IL12RB2: variants seen among roughly 807,000 people sequenced by gnomAD.
The protein encoded by IL12RB2 is interleukin-12 receptor subunit beta-2.
Under a neutral mutation model 89.4 loss-of-function variants are expected in IL12RB2, and 82 were observed. The observed-to-expected ratio is 0.92, with a 90% CI of 0.77 to 1.10. IL12RB2 has a LOEUF of 1.10. IL12RB2 is among the 50% of genes least tolerant of loss of function. The pLI, the probability that IL12RB2 is intolerant of heterozygous loss-of-function variation, is 0.00. For missense variants in IL12RB2, 963 were observed against 1,031.9 expected, an observed-to-expected ratio of 0.93 and a Z score of 0.92; for synonymous variants, 368 against 370.1, an observed-to-expected ratio of 0.99 and a Z score of 0.07.
At chr1:67,320,705 T>C (rs1656374610) in intron 3 of IL12RB2, among the ~76,000 whole-genome samples, 1 of 152,230 alleles carries the variant, frequency 6.6e-6, no homozygotes, top group Non-Finnish European at 1.5e-5. Context: ...CACAAATACA[T>C]GTTTTACATT....
chr1:67,367,985 G>A lies in IL12RB2; in HGVS notation c.1419G>A (p.Trp473Ter), dbSNP rs771717615. The A allele has an allele frequency of 1.9e-6, 3 of 1,611,338 alleles. No individual in the cohort carries two copies. In the East Asian group the frequency reaches 6.7e-5, roughly 36 times the overall value. The change falls in exon 11 of 17, where the codon TGG becomes TGA. Residue 473 changes from tryptophan (W) to a stop codon, truncating the protein, a stop_gained. Transcript: ENST00000674203. LOFTEE classifies it high-confidence loss of function. ...GTGACACACAGGTCCCTCTAAACTG[G>A]CTACGGAGTCGACCCTACAATGTGT... ...PGGDTQVPLN[W>*]LRSRPYNVSA...
intron 9 of IL12RB2, among the ~76,000 whole-genome samples, chr1:67,348,757 T>C (rs3790566): frequency 0.62 from 93,950 of 152,062 alleles, 32,808 homozygotes; most frequent in South Asian, 0.78. Flanking sequence ...TATTAGCTCA[T>C]TGAAGTTTTT....
At chr1:67,339,127 G>C (rs1441910503) in intron 9 of IL12RB2, among the ~76,000 whole-genome samples, 1 of 151,920 alleles carries the variant, frequency 6.6e-6, no homozygotes. Context: ...TGTTTGTTAA[G>C]TCATTGAAGA....
chr1:67,330,661 T>G lies in IL12RB2; in HGVS notation c.809T>G (p.Val270Gly). 6.7e-7 allele frequency: 1 copy of G among 1,491,180 alleles called. No homozygotes were observed. Among genetic ancestry groups the G allele is most frequent in the East Asian group, 2.3e-5 (1 of 44,182 alleles). The allele number at this position is 1,491,180 out of a possible 1,614,324, so 92.4% of individuals were successfully genotyped here. A position where few individuals can be genotyped will look rare whatever the true frequency, so the allele number is the denominator to read the frequency against. The part of the protein sequence containing the change: ...RPSNSRLWNM[V>G]NVTKAKGRHD... ...CTTTAAAAAAATGTCTGTTTCAAGG[T>G]TAATGTTACAAAGGCCAAAGGAAGA... The change falls in exon 8 of 17, where the codon GTT becomes GGT. Residue 270 changes from valine (V) to glycine (G), a missense_variant and splice_region_variant. Physicochemically the swap from Val to Gly is moderately radical, Grantham distance 109 (BLOSUM62 -3). Transcript: ENST00000674203.
At chr1:67,307,870 G>A (rs535591873), upstream of IL12RB2, 7 of 152,188 alleles carry the variant, frequency 4.6e-5, no homozygotes, top group Admixed American at 4.6e-4. Flanking sequence ...CCCGAGCGCC[G>A]GCAGAGAGCG....
At chr1:67,325,262 G>T (rs911426278) in intron 4 of IL12RB2, among the ~76,000 whole-genome samples, 39 of 152,072 alleles carry the variant, frequency 2.6e-4, no homozygotes, top group African/African-American at 9.4e-4. Flanking sequence ...TGTTGTTGTT[G>T]TTTTTTTCTT....
At chr1:67,338,336 C>CAAAAAAAAAAACAAAAAAA (rs1659075800) in intron 8 of IL12RB2, among the ~76,000 whole-genome samples, 1 of 40,102 alleles carries the variant, frequency 2.5e-5, no homozygotes, top group Non-Finnish European at 5.6e-5. Context: ...GATCCTGTCT[C>CAAAAAAAAAAACAAAAAAA]AAAAAAAAAA....
chr1:67,390,554 G>A (rs904390740), intron 16 of IL12RB2, among the ~76,000 whole-genome samples: 1 of 146,196 alleles, frequency 6.8e-6, no homozygotes, highest in African/African-American at 2.5e-5. Flanking sequence ...TCCTGTCTAA[G>A]CATAGAAAAG....
At chr1:67,351,155 G>A in intron 10 of IL12RB2, 66 bp downstream of exon 10, 5 of 1,583,014 alleles carry the variant, frequency 3.2e-6, no homozygotes, top group Non-Finnish European at 4.3e-6. Flanking sequence ...CTTATCTCCT[G>A]CAGGCCCAAC....
At chr1:67,352,257 CA>C (rs1660933142) in intron 10 of IL12RB2, among the ~76,000 whole-genome samples, 1 of 152,188 alleles carries the variant, frequency 6.6e-6, no homozygotes, top group East Asian at 1.9e-4. Context: ...TTGTTCTTAC[CA>C]AAAGCCTGAC....
intron 10 of IL12RB2, among the ~76,000 whole-genome samples, chr1:67,351,659 C>T (rs1660861627): frequency 6.6e-6 from 1 of 152,076 alleles, no homozygotes; most frequent in South Asian, 2.1e-4. Context: ...ATAAATACAA[C>T]CAATAATATT....
At chr1:67,324,675 A>C (rs889757991) in intron 4 of IL12RB2, among the ~76,000 whole-genome samples, 4 of 152,176 alleles carry the variant, frequency 2.6e-5, no homozygotes, top group Non-Finnish European at 5.9e-5. Flanking sequence ...TTAAGTATGA[A>C]CTTGTAAGTT....
rs776698952 is a variant in IL12RB2 at position 67,328,244 on chromosome 1, A to G, written c.524A>G (p.Asp175Gly). Residue 175 changes from aspartate to glycine, a missense_variant, in exon 6 of 17, where the codon GAC (aspartate) becomes GGC (glycine). Transcript: ENST00000674203. ...TTAACCTGGCAGAAGCAATGTAAAGACATTTATTGTGACTATTTGGACTTT... is the reference window on the plus strand; with the variant it reads ...TTAACCTGGCAGAAGCAATGTAAAGGCATTTATTGTGACTATTTGGACTTT... ...KNLTWQKQCK[D>G]IYCDYLDFGI... 6.2e-7 allele frequency: 1 copy of G among 1,614,170 alleles called. No individual in the cohort carries two copies. Among genetic ancestry groups the G allele is most frequent in the Non-Finnish European group, 8.5e-7 (1 of 1,180,004 alleles).
At chr1:67,308,913 G>A (rs1406692714) in intron 1 of IL12RB2, among the ~76,000 whole-genome samples, 1 of 151,998 alleles carries the variant, frequency 6.6e-6, no homozygotes, top group Admixed American at 6.6e-5. Context: ...CCAGCTACTC[G>A]GGAGACTGAG....
At chr1:67,326,084 G>T (rs1657245763) in intron 4 of IL12RB2, among the ~76,000 whole-genome samples, 1 of 152,192 alleles carries the variant, frequency 6.6e-6, no homozygotes, top group Admixed American at 6.5e-5. Context: ...TCCATAAAGT[G>T]CTCCAAGAGA....
intron 9 of IL12RB2, among the ~76,000 whole-genome samples, chr1:67,339,058 AC>A (rs1234348109): frequency 6.7e-6 from 1 of 148,512 alleles, no homozygotes; most frequent in Admixed American, 6.8e-5. Context: ...ATGTCACTTC[AC>A]TTATTCACTC....
intron 16 of IL12RB2, among the ~76,000 whole-genome samples, chr1:67,390,702 TG>T (rs1665718572): frequency 6.6e-6 from 1 of 152,126 alleles, no homozygotes; most frequent in East Asian, 1.9e-4. Context: ...AGGGAACTGC[TG>T]CAGCCCAGGA....
intron 2 of IL12RB2, among the ~76,000 whole-genome samples, chr1:67,316,420 T>C (rs904822879): frequency 1.6e-5 from 1 of 62,722 alleles, no homozygotes; most frequent in Non-Finnish European, 3.5e-5. Context: ...GTCCCCAGAG[T>C]AGTGTGTGTG....
At chr1:67,379,705 A>C (rs1664375528) in intron 13 of IL12RB2, among the ~76,000 whole-genome samples, 1 of 152,010 alleles carries the variant, frequency 6.6e-6, no homozygotes, top group African/African-American at 2.4e-5. Flanking sequence ...TTACCACAAA[A>C]CACAAAAAAG....
Sources: allele counts gnomAD v4.1 joint callset (sites outside exome capture counted in the v4.1 genomes callset), GRCh38; gene constraint gnomAD v4.1.1; transcripts MANE v1.5; gene names NCBI Gene and HGNC (gene_info 2026-07-23, HGNC 2026-07-21).